The following VPS28 variants were observed in gnomAD, a reference collection of about 807,000 sequenced individuals.
The protein encoded by VPS28 is vacuolar protein sorting-associated protein 28 homolog.
VPS28 carries 29 observed loss-of-function variants against 33.7 expected under a neutral mutation model. The ratio of observed to expected loss-of-function variants is 0.86; its 90% CI spans 0.64 to 1.17. The LOEUF is 1.17. VPS28 is among the 50% of genes most tolerant of loss of function. The pLI is 0.00. For missense variants in VPS28, 247 were observed against 312.2 expected, an observed-to-expected ratio of 0.79 and a Z score of 1.57; for synonymous variants, 164 against 116.7, an observed-to-expected ratio of 1.40 and a Z score of -2.61.
At chr8:144,427,192 A>T (rs1373406113) in intron 1 of VPS28, 3 of 360,394 alleles carry the variant, frequency 8.3e-6, no homozygotes, top group Non-Finnish European at 1.6e-5. Context: ...CCAGCTACTC[A>T]GGAGGCTGAG....
At chr8:144,428,179 G>T (rs1304145035) in intron 1 of VPS28, among the ~76,000 whole-genome samples, 1 of 152,236 alleles carries the variant, frequency 6.6e-6, no homozygotes, top group Admixed American at 6.5e-5. Context: ...GGTGGGGACC[G>T]AGGCTGCTCG....
intron 5 of VPS28, 52 bp downstream of exon 5, chr8:144,425,631 G>A: frequency 6.3e-7 from 1 of 1,591,378 alleles, no homozygotes; most frequent in Non-Finnish European, 8.6e-7. Context: ...TGCCTATGGA[G>A]CACCCAAGCC....
intron 7 of VPS28, 110 bp downstream of exon 7, chr8:144,424,608 G>T (rs1564717834): frequency 2.4e-6 from 3 of 1,243,122 alleles, no homozygotes; most frequent in Admixed American, 1.9e-5. Context: ...CTTCTGCCCA[G>T]CAAGTCAGAG....
chr8:144,424,246 T>C lies in VPS28; in HGVS notation c.425A>G (p.Lys142Arg), dbSNP rs782553440. 6.2e-7 allele frequency: 1 copy of C among 1,606,252 alleles called. No homozygotes were observed. Among genetic ancestry groups the C allele is most frequent in the Non-Finnish European group, 8.5e-7 (1 of 1,175,380 alleles). ...VVSLFITVMD[K>R]LRLEIRAMDE... is the part of the protein sequence containing the mutation. ...CATGGCGCGGATCTCCAGACGCAGC[T>C]TGTCCATGACCGTGATGAAGAGCTG... Residue 142 changes from lysine (K) to arginine (R), a missense_variant, in exon 8 of 10, where the codon AAG becomes AGG. Coordinates refer to ENST00000292510, the MANE Select transcript of VPS28 (RefSeq NM_016208.4).
chr8:144,423,729 G>T lies in VPS28; in HGVS notation c.*76C>A. 6.4e-7 allele frequency: 1 copy of T among 1,573,494 alleles called. No homozygotes were observed. The highest frequency in any genetic ancestry group is 8.7e-7 in the Non-Finnish European group (1 of 1,149,702). On this transcript the variant is annotated 3_prime_UTR_variant, in exon 10 of 10. Coordinates refer to ENST00000292510, the MANE Select transcript of VPS28 (RefSeq NM_016208.4). The stretch of plus-strand genomic sequence containing the variant: ...ACAGTGAGTTGTGTGGATGACCACG[G>T]CCTGTGTGGCGGACAGGGGACCAGG...
chr8:144,425,973 G>A, intron 4 of VPS28, 53 bp downstream of exon 4: 2 of 1,471,774 alleles, frequency 1.4e-6, no homozygotes, highest in South Asian at 1.4e-5. Context: ...GGCTGCCCCA[G>A]GGCAGCCAGA....
At position 144,426,912 on chromosome 8, in the gene VPS28, C is replaced by T. The variant is rs371321021; in HGVS notation, c.34G>A (p.Gly12Arg). 1.2e-6 allele frequency: 2 copies of T among 1,612,620 alleles called. No homozygotes were observed. Among genetic ancestry groups the T allele is most frequent in the Admixed American group, 1.7e-5 (1 of 59,960 alleles). ...GCGCCCTTCCAGCCACACTCACCTC[C>T]TATGCCCGGCGTGGCTGGGATCCCA... ...FHGIPATPGI[G>R]APGNKPELYE... Residue 12 changes from glycine (G) to arginine (R), a missense_variant, in exon 2 of 10, where the codon GGA becomes AGA. This residue lies in a region of VPS28 where 149 missense variants were observed against 172.8 expected (regional missense o/e 0.86). Coordinates refer to ENST00000292510, the MANE Select transcript of VPS28 (RefSeq NM_016208.4).
Position 144,423,833 on chromosome 8 carries a change from T to A in VPS28, c.638A>T (p.Asn213Ile), listed in dbSNP as rs1554875800. Residue 213 changes from asparagine (N) to isoleucine (I), a missense_variant, in exon 10 of 10, where the codon AAC (asparagine) becomes ATC (isoleucine). Asn to Ile is a moderately radical substitution (Grantham distance 149). Transcript: ENST00000292510. ...GGCATGCAGGAAGCGGTTGAAGGCG[T>A]TGTAGGCTGACTCCAGGTCGAACAG... Reference protein sequence around the residue: ...QMLFDLESAYNAFNRFLHA With the variant: ...QMLFDLESAYIAFNRFLHA 1 of 1,613,116 alleles carries A rather than the reference T, an allele frequency of 6.2e-7. No homozygotes were observed. Among genetic ancestry groups the A allele is most frequent in the Non-Finnish European group, 8.5e-7 (1 of 1,180,014 alleles).
intron 5 of VPS28, 65 bp from the exon 6 acceptor site, chr8:144,425,116 G>C: frequency 6.9e-7 from 1 of 1,448,594 alleles, no homozygotes; most frequent in Non-Finnish European, 9.5e-7. Flanking sequence ...CTACCCCCTC[G>C]GCTGGTCCAG....
At position 144,425,775 on chromosome 8, in the gene VPS28, G is replaced by A; in HGVS notation, c.105-3C>T. 1.9e-6 allele frequency: 3 copies of A among 1,613,834 alleles called. No homozygotes were observed. The highest frequency in any genetic ancestry group is 2.5e-6 in the Non-Finnish European group (3 of 1,179,914). On this transcript the variant is annotated splice_polypyrimidine_tract_variant and splice_region_variant and intron_variant, in intron 4 of 9. Coordinates refer to ENST00000292510, the MANE Select transcript of VPS28 (RefSeq NM_016208.4). ...ACAGCTCTGCCATGTTGTCGTACCT[G>A]AGGACACACCTGTCTATCGGGCCAG...
rs1554875796 is a variant in VPS28 at position 144,423,827 on chromosome 8, A to ACTC, written c.643_644insGAG (p.Phe215delinsTer). ...GGCTCAGGCATGCAGGAAGCGGTTG[A>ACTC]AGGCGTTGTAGGCTGACTCCAGGTC... is the stretch of plus-strand genomic sequence containing the variant. On this transcript the variant is annotated stop_gained, in exon 10 of 10. Coordinates refer to ENST00000292510, the MANE Select transcript of VPS28 (RefSeq NM_016208.4). LOFTEE classifies it high-confidence loss of function. The ACTC allele has an allele frequency of 6.2e-7, 1 of 1,613,136 alleles. No individual in the cohort carries two copies. The highest frequency in any genetic ancestry group is 8.5e-7 in the Non-Finnish European group (1 of 1,180,036).
intron 7 of VPS28, chr8:144,424,486 G>A (rs1822584299): frequency 5.0e-6 from 4 of 803,082 alleles, no homozygotes; most frequent in East Asian, 2.7e-5. Flanking sequence ...TCTCTCCCGA[G>A]GCCAGGACCC....
At chr8:144,427,678 G>T (rs993258981) in intron 1 of VPS28, among the ~76,000 whole-genome samples, 1 of 152,234 alleles carries the variant, frequency 6.6e-6, no homozygotes. Context: ...AGGGAATGAA[G>T]ATGGAGAGGT....
At chr8:144,424,306 G>A (rs372876865) in intron 7 of VPS28, 38 bp from the exon 8 acceptor site, 210 of 1,548,556 alleles carry the variant, frequency 1.4e-4, no homozygotes, top group African/African-American at 2.1e-4. Context: ...GCGTGTCCAC[G>A]GGTGCGGGAG....
intron 5 of VPS28, 24 bp from the exon 6 acceptor site, chr8:144,425,075 C>G (rs1554876384): frequency 1.3e-6 from 2 of 1,544,760 alleles, no homozygotes; most frequent in South Asian, 2.4e-5. Flanking sequence ...AGCTGCTGCC[C>G]AAGCATGGGA....
At chr8:144,424,393 A>C in intron 7 of VPS28, 125 bp from the exon 8 acceptor site, 1 of 1,295,506 alleles carries the variant, frequency 7.7e-7, no homozygotes, top group Non-Finnish European at 1.0e-6. Context: ...TCTGTTCCCA[A>C]ACCCTGCAGG....
Position 144,424,825 on chromosome 8 carries a change from G to C in VPS28, c.301-6C>G. The stretch of plus-strand genomic sequence containing the variant: ...ATGGCCAGCGGGCAGTCCAGCTGTT[G>C]GGGGTGACATGGGTGCTGGGGCTCT... On this transcript the variant is annotated splice_region_variant and splice_polypyrimidine_tract_variant and intron_variant, in intron 6 of 9. Coordinates refer to ENST00000292510, the MANE Select transcript of VPS28 (RefSeq NM_016208.4). 6.2e-7 allele frequency: 1 copy of C among 1,613,854 alleles called. No homozygotes were observed. The highest frequency in any genetic ancestry group is 1.7e-5 in the Admixed American group (1 of 60,012).
Position 144,425,736 on chromosome 8 carries a change from C to T in VPS28, c.141G>A (p.Lys47=), listed in dbSNP as rs1554876541. The T allele has an allele frequency of 3.7e-6, 6 of 1,613,926 alleles. No homozygotes were observed. The highest frequency in any genetic ancestry group is 1.1e-5 in the South Asian group (1 of 91,084). The change falls in exon 5 of 10, where the codon AAG becomes AAA. Residue 47 remains lysine, a synonymous_variant. Transcript: ENST00000292510. Reference sequence around the variant, plus strand: ...AGGCCTTCTCCAGGGCTTGCATTGTCTTCACCACCGCAAACAGCTCTGCCA... The same window carrying T: ...AGGCCTTCTCCAGGGCTTGCATTGTTTTCACCACCGCAAACAGCTCTGCCA... ...DNMAELFAVV[K]TMQALEKAYI...
intron 2 of VPS28, 173 bp downstream of exon 2, chr8:144,426,736 G>A: frequency 1.5e-6 from 1 of 667,490 alleles, no homozygotes; most frequent in South Asian, 1.9e-5. Flanking sequence ...GTTCTGTCTG[G>A]AGGTTTCTGA....
Sources: allele counts gnomAD v4.1 joint callset (sites outside exome capture counted in the v4.1 genomes callset), GRCh38; gene constraint gnomAD v4.1.1; regional missense constraint gnomAD v4.1.1; transcripts MANE v1.5; gene names NCBI Gene and HGNC (gene_info 2026-07-23, HGNC 2026-07-21).